Variants in OSR2 observed in about 807,000 individuals in gnomAD.
The protein encoded by OSR2 is odd-skipped related transciption factor 2.
A neutral mutation model predicts 22.3 loss-of-function variants in OSR2; 8 were observed. That is an observed-to-expected ratio of 0.36 (90% CI 0.21 to 0.65). OSR2 has a LOEUF of 0.65. Among genes scored for constraint, OSR2 ranks in the 30% least tolerant of loss-of-function variants. OSR2 has a pLI of 0.66. For missense variants in OSR2, 311 were observed against 413.4 expected (o/e 0.75, Z 2.15); for synonymous variants, 179 against 173.8 (o/e 1.03, Z -0.23).
Position 98,950,687 on chromosome 8 carries a change from T to C in OSR2, c.688T>C (p.Cys230Arg). 1.2e-6 allele frequency: 2 copies of C among 1,612,970 alleles called. No homozygotes were observed. Among genetic ancestry groups the C allele is most frequent in the Non-Finnish European group, 1.7e-6 (2 of 1,179,264 alleles). ...CCATTCCAAAGAAAAACCCTTCAAA[T>C]GTCAGGAGTGTGGGAAAGGATTTTG... is the stretch of plus-strand genomic sequence containing the variant. ...YIHSKEKPFKCQECGKGFCQS... is the reference protein window; with the variant it reads ...YIHSKEKPFKRQECGKGFCQS... Residue 230 changes from cysteine (C) to arginine (R), a missense_variant, in exon 3 of 4, where the codon TGT (cysteine) becomes CGT (arginine). Transcript: ENST00000297565.
In OSR2 at chr8:98,949,616, G is replaced by GGC; in HGVS notation, c.656+9_656+10insCG. 14 of 1,601,438 alleles carry GGC rather than the reference G, an allele frequency of 8.7e-6. No homozygotes were observed. The highest frequency in any genetic ancestry group is 1.2e-5 in the Non-Finnish European group (14 of 1,172,070). ...TCACCTGCGGGATCACAGGTGAGGC[G>GGC]GGCAAGGAGGATGGCTGGGAGAGGG... is the stretch of plus-strand genomic sequence containing the variant. On this transcript the variant is annotated intron_variant, in intron 2 of 3. Transcript: ENST00000297565. This position sits in a 1 kb window ranked among gnomAD's most constrained non-coding sequence, Gnocchi z 5.9.
chr8:98,950,799 AT>A (rs1840761261), intron 3 of OSR2, 44 bp downstream of exon 3: 2 of 1,283,348 alleles, frequency 1.6e-6, no homozygotes, highest in Non-Finnish European at 2.2e-6. Flanking sequence ...GGTTCGTGTT[AT>A]CATTACTGCT....
At position 98,951,609 on chromosome 8, in the gene OSR2, C is replaced by A. The variant is rs1414002675; in HGVS notation, c.847C>A (p.Pro283Thr). 1.9e-6 allele frequency: 3 copies of A among 1,613,854 alleles called. No individual in the cohort carries two copies. In the African/African-American group the frequency reaches 4.0e-5, roughly 22 times the overall value. ...CCTTCTCACCCATACAGACATCAAG[C>A]CCTACAGCTGCGAGCAGTGCGGCAA... ...THLLTHTDIKPYSCEQCGKVF... is the reference protein window; with the variant it reads ...THLLTHTDIKTYSCEQCGKVF... Residue 283 changes from proline to threonine, a missense_variant, in exon 4 of 4, where the codon CCC becomes ACC. Pro to Thr is a conservative substitution (Grantham distance 38, BLOSUM62 -1). Transcript: ENST00000297565.
chr8:98,950,994 AT>A (rs1364661048), intron 3 of OSR2: 2 of 594,200 alleles, frequency 3.4e-6, no homozygotes, highest in Non-Finnish European at 5.9e-6. Context: ...TAATTTTAGA[AT>A]TTTTTTCATC....
At position 98,948,788 on chromosome 8, in the gene OSR2, C is replaced by G; in HGVS notation, c.-114-51C>G. 2 of 1,478,088 alleles carry G rather than the reference C, an allele frequency of 1.4e-6. No homozygotes were observed. Among genetic ancestry groups the G allele is most frequent in the Non-Finnish European group, 1.8e-6 (2 of 1,113,554 alleles). The allele number at this position is 1,478,088 out of a possible 1,614,324, so 91.6% of individuals were successfully genotyped here. A position where few individuals can be genotyped will look rare whatever the true frequency, so the allele number is the denominator to read the frequency against. Reference sequence around the variant, plus strand: ...CGCAGGTGCCAAAGGGCAGAAGGAGCAGCCTTGGATTATAGTCACGGTCTC... The same window carrying G: ...CGCAGGTGCCAAAGGGCAGAAGGAGGAGCCTTGGATTATAGTCACGGTCTC... On this transcript the variant is annotated intron_variant, in intron 1 of 3. Transcript: ENST00000297565. This position sits in a 1 kb window ranked among gnomAD's most constrained non-coding sequence, Gnocchi z 6.0.
chr8:98,947,922 C>T lies in OSR2; in HGVS notation c.-114-917C>T, dbSNP rs370621175. Reference sequence around the variant, plus strand: ...CCCGGGTGGAGGGATGTAGGGGTCGCTCCTCGGTGCCAGGCCGGGAAGCAG... The same window carrying T: ...CCCGGGTGGAGGGATGTAGGGGTCGTTCCTCGGTGCCAGGCCGGGAAGCAG... On this transcript the variant is annotated intron_variant, in intron 1 of 3. Coordinates refer to ENST00000297565, the MANE Select transcript of OSR2 (RefSeq NM_001142462.3). Among the ~76,000 whole-genome samples the T allele has an allele frequency of 1.4e-3, 214 of 152,326 alleles. 2 individuals carry two copies. Among genetic ancestry groups the T allele is most frequent in the Middle Eastern group, 6.8e-3 (2 of 294 alleles).
Position 98,949,456 on chromosome 8 carries a change from GAA to G in OSR2, c.509_510del (p.Lys170ArgfsTer21). The G allele has an allele frequency of 6.2e-7, 1 of 1,613,720 alleles. No homozygotes were observed. The highest frequency in any genetic ancestry group is 8.5e-7 in the Non-Finnish European group (1 of 1,179,808). Reference protein sequence around the residue: ...PSRGRLPSKTKKEFICKFCGR... With the variant: ...PSRGRLPSKTXKEFICKFCGR... ...CTCGAGGAAGGTTGCCCTCCAAAAC[GAA>G]AAAAGAGTTTATCTGCAAGTTTTGC... On this transcript the variant is annotated frameshift_variant, in exon 2 of 4. Transcript: ENST00000297565. LOFTEE classifies it high-confidence loss of function. The surrounding 1 kb of genome is among the most constrained non-coding windows in gnomAD (Gnocchi z 5.9).
intron 1 of OSR2, among the ~76,000 whole-genome samples, chr8:98,947,593 G>T (rs1266576435): frequency 1.3e-5 from 2 of 152,216 alleles, no homozygotes; most frequent in African/African-American, 4.8e-5. Flanking sequence ...GTGGGAGAAG[G>T]TGGGCCCGCT....
At chr8:98,951,419 G>T in intron 3 of OSR2, 100 bp from the exon 4 acceptor site, 1 of 1,137,964 alleles carries the variant, frequency 8.8e-7, no homozygotes, top group African/African-American at 1.6e-5. Context: ...TCATGAGAGT[G>T]TTATGTTAAC....
intron 3 of OSR2, 78 bp downstream of exon 3, chr8:98,950,833 G>C: frequency 2.2e-6 from 2 of 895,382 alleles, no homozygotes; most frequent in Non-Finnish European, 3.6e-6. Context: ...TTCAATGGCA[G>C]ACTCTTTCTC....
chr8:98,950,827 A>G (rs755584733), intron 3 of OSR2, 72 bp downstream of exon 3: 4 of 927,798 alleles, frequency 4.3e-6, no homozygotes, highest in Non-Finnish European at 6.9e-6. Flanking sequence ...AAGGTGTTCA[A>G]TGGCAGACTC....
chr8:98,946,780 A>G (rs1039181147), intron 1 of OSR2, among the ~76,000 whole-genome samples: 2 of 152,000 alleles, frequency 1.3e-5, no homozygotes, highest in African/African-American at 4.8e-5. Context: ...TCCCCAACGC[A>G]TACACCCTGT....
At position 98,948,470 on chromosome 8, in the gene OSR2, C is replaced by T. The variant is rs934987475; in HGVS notation, c.-114-369C>T. On this transcript the variant is annotated intron_variant, in intron 1 of 3. Coordinates refer to ENST00000297565, the MANE Select transcript of OSR2 (RefSeq NM_001142462.3). The surrounding 1 kb of genome is among the most constrained non-coding windows in gnomAD (Gnocchi z 6.0). The stretch of plus-strand genomic sequence containing the variant: ...GGCATTGCGGTTGACTGAGCTTCGC[C>T]TAACAGGCTTGGGGAGGGTGGGCTG... The T allele has an allele frequency of 7.1e-6, 4 of 563,044 alleles. No individual in the cohort carries two copies. The highest frequency in any genetic ancestry group is 2.6e-5 in the African/African-American group (1 of 38,018). 34.9% of individuals were successfully genotyped at this position (563,044 alleles called of 1,614,324 possible).
intron 2 of OSR2, among the ~76,000 whole-genome samples, chr8:98,950,015 C>A (rs1426033088): frequency 6.8e-6 from 1 of 147,870 alleles, no homozygotes; most frequent in Non-Finnish European, 1.5e-5. Context: ...CAGGTGCGCC[C>A]CAGAGCCTGC....
rs1840548473 is a variant in OSR2, at chr8:98,944,615, C to T, written c.-323C>T. On this transcript the variant is annotated 5_prime_UTR_variant, in exon 1 of 4. Coordinates refer to ENST00000297565, the MANE Select transcript of OSR2 (RefSeq NM_001142462.3). Reference sequence around the variant, plus strand: ...CGGCCCCAAGCACCCCGGGTCTTTACACAGTCCGCGTCCACAGACTCTGAC... The same window carrying T: ...CGGCCCCAAGCACCCCGGGTCTTTATACAGTCCGCGTCCACAGACTCTGAC... 1 of 152,278 alleles carries T rather than the reference C, an allele frequency of 6.6e-6. No homozygotes were observed. The highest frequency in any genetic ancestry group is 6.5e-5 in the Admixed American group (1 of 15,288). 9.4% of individuals were successfully genotyped at this position (152,278 alleles called of 1,614,324 possible). A position where few individuals can be genotyped will look rare whatever the true frequency, so the allele number is the denominator to read the frequency against.
chr8:98,948,460 T>C lies in OSR2; in HGVS notation c.-114-379T>C. The C allele has an allele frequency of 9.3e-7, 1 of 1,073,866 alleles. No homozygotes were observed. The highest frequency in any genetic ancestry group is 1.1e-6 in the Non-Finnish European group (1 of 887,166). The allele number at this position is 1,073,866 out of a possible 1,614,324, so 66.5% of individuals were successfully genotyped here. On this transcript the variant is annotated intron_variant, in intron 1 of 3. Transcript: ENST00000297565. This position sits in a 1 kb window ranked among gnomAD's most constrained non-coding sequence, Gnocchi z 6.0. ...TGCTAGCATTGGCATTGCGGTTGAC[T>C]GAGCTTCGCCTAACAGGCTTGGGGA...
chr8:98,948,349 C>T lies in OSR2; in HGVS notation c.-114-490C>T. ...GCGGCCACAGGGCGCGGCGGCAGCG[C>T]AGCGCGTGGGATCTCACGACCCATC... On this transcript the variant is annotated intron_variant, in intron 1 of 3. Coordinates refer to ENST00000297565, the MANE Select transcript of OSR2 (RefSeq NM_001142462.3). This position sits in a 1 kb window ranked among gnomAD's most constrained non-coding sequence, Gnocchi z 6.0. 2 of 1,521,344 alleles carry T rather than the reference C, an allele frequency of 1.3e-6. No homozygotes were observed. Among genetic ancestry groups the T allele is most frequent in the South Asian group, 2.4e-5 (2 of 83,024 alleles). 94.2% of individuals were successfully genotyped at this position (1,521,344 alleles called of 1,614,324 possible). A position where few individuals can be genotyped will look rare whatever the true frequency, so the allele number is the denominator to read the frequency against.
In OSR2 at chr8:98,948,367, G is replaced by A. The variant is rs1840673715; in HGVS notation, c.-114-472G>A. 1 of 1,506,504 alleles carries A rather than the reference G, an allele frequency of 6.6e-7. No individual in the cohort carries two copies. Among genetic ancestry groups the A allele is most frequent in the Non-Finnish European group, 8.8e-7 (1 of 1,130,726 alleles). 93.3% of individuals were successfully genotyped at this position (1,506,504 alleles called of 1,614,324 possible). On this transcript the variant is annotated intron_variant, in intron 1 of 3. Transcript: ENST00000297565. The surrounding 1 kb of genome is among the most constrained non-coding windows in gnomAD (Gnocchi z 6.0). ...GGCAGCGCAGCGCGTGGGATCTCAC[G>A]ACCCATCCGTTAACCCACCGTTCCC...
chr8:98,951,357 G>A (rs371982692), intron 3 of OSR2, among the ~76,000 whole-genome samples, 162 bp from the exon 4 acceptor site: 1 of 152,204 alleles, frequency 6.6e-6, no homozygotes, highest in Non-Finnish European at 1.5e-5. Flanking sequence ...GTATTTTCAT[G>A]ATTGGAAGAT....
Sources: allele counts gnomAD v4.1 joint callset (sites outside exome capture counted in the v4.1 genomes callset), GRCh38; gene constraint gnomAD v4.1.1; non-coding constraint Gnocchi (gnomAD v3.1); transcripts MANE v1.5; gene names NCBI Gene and HGNC (gene_info 2026-07-23, HGNC 2026-07-21).